EEFSEC: variants seen among roughly 807,000 people sequenced by gnomAD.
EEFSEC encodes selenocysteine-specific elongation factor.
EEFSEC carries 43 observed loss-of-function variants against 42.1 expected under a neutral mutation model. The ratio of observed to expected loss-of-function variants is 1.02; its 90% CI spans 0.80 to 1.32. The LOEUF (loss-of-function observed/expected upper bound fraction) is 1.32. EEFSEC is among the 40% of genes most tolerant of loss of function. The pLI, the probability that EEFSEC is intolerant of heterozygous loss-of-function variation, is 0.00. For missense variants in EEFSEC, 745 were observed against 803.6 expected, an observed-to-expected ratio of 0.93 and a Z score of 0.88; for synonymous variants, 354 against 339.1, an observed-to-expected ratio of 1.04 and a Z score of -0.48.
chr3:128,351,353 T>G (rs1344223608), intron 5 of EEFSEC, among the ~76,000 whole-genome samples: 1 of 152,206 alleles, frequency 6.6e-6, no homozygotes, highest in Non-Finnish European at 1.5e-5. Context: ...AAGTCTTAGG[T>G]GTTATCATCA....
chr3:128,292,500 G>A (rs550884250), intron 4 of EEFSEC, among the ~76,000 whole-genome samples: 2 of 151,524 alleles, frequency 1.3e-5, no homozygotes, highest in Non-Finnish European at 2.9e-5. Context: ...TATATATGAT[G>A]TATATTATAT....
rs190779846 is a variant in EEFSEC, at chr3:128,311,093, A to C, written c.787-30140A>C. 3.8e-4 allele frequency among the ~76,000 whole-genome samples: 58 copies of C among 152,366 alleles called. 1 individual carries two copies. Among genetic ancestry groups the C allele is most frequent in the African/African-American group, 1.3e-3 (54 of 41,596 alleles). ...TAATGCAGGTGATATCCTTCTAAGA[A>C]AATTTTTAAAATTAAAATTCAGATT... On this transcript the variant is annotated intron_variant, in intron 4 of 6. Transcript: ENST00000254730.
chr3:128,413,468 G>A (rs1051414873), downstream of EEFSEC, among the ~76,000 whole-genome samples: 12 of 152,156 alleles, frequency 7.9e-5, no homozygotes, highest in African/African-American at 2.9e-4. Context: ...CCACCTGGCA[G>A]TGTGGCCTGC....
intron 1 of EEFSEC, among the ~76,000 whole-genome samples, chr3:128,165,173 T>C (rs1220230772): frequency 2.0e-5 from 3 of 152,196 alleles, no homozygotes; most frequent in Admixed American, 1.3e-4. Context: ...CGTTTCCATC[T>C]ACATTGCTCA....
At chr3:128,353,610 C>T (rs2067415934) in intron 5 of EEFSEC, among the ~76,000 whole-genome samples, 1 of 152,254 alleles carries the variant, frequency 6.6e-6, no homozygotes, top group African/African-American at 2.4e-5. Context: ...CCATTTGTGT[C>T]CAGTCAGTCA....
At chr3:128,204,510 G>T (rs1378062584) in intron 1 of EEFSEC, among the ~76,000 whole-genome samples, 8 of 152,136 alleles carry the variant, frequency 5.3e-5, no homozygotes, top group Non-Finnish European at 1.2e-4. Context: ...TGTGTCTGAG[G>T]TAGGGTTCTT....
chr3:128,355,625 A>AG (rs1419079789), intron 5 of EEFSEC, among the ~76,000 whole-genome samples: 1 of 151,950 alleles, frequency 6.6e-6, no homozygotes, highest in Non-Finnish European at 1.5e-5. Flanking sequence ...AAAAAAAAAA[A>AG]AAAGCCTACA....
intron 6 of EEFSEC, among the ~76,000 whole-genome samples, chr3:128,359,095 G>A (rs978035582): frequency 3.3e-5 from 5 of 152,162 alleles, no homozygotes; most frequent in African/African-American, 9.7e-5. Context: ...GAAAGATAAA[G>A]CAGGGACGAG....
At chr3:128,367,716 G>A (rs2067606575) in intron 6 of EEFSEC, 1 of 985,310 alleles carries the variant, frequency 1.0e-6, no homozygotes, top group Admixed American at 6.1e-5. Context: ...AGAGATGAGT[G>A]AAGCACCACA....
At chr3:128,301,950 AC>A (rs2066774094) in intron 4 of EEFSEC, among the ~76,000 whole-genome samples, 1 of 152,146 alleles carries the variant, frequency 6.6e-6, no homozygotes, top group African/African-American at 2.4e-5. Context: ...CTGGGGGGCT[AC>A]TCAAAGTTAC....
intron 5 of EEFSEC, among the ~76,000 whole-genome samples, chr3:128,342,636 C>G (rs150214063): frequency 2.6e-5 from 4 of 152,250 alleles, no homozygotes; most frequent in African/African-American, 7.2e-5. Flanking sequence ...CTGTGCCTTG[C>G]TGGGCGGCCC....
chr3:128,226,740 C>G (rs2065911671), intron 1 of EEFSEC, among the ~76,000 whole-genome samples: 1 of 152,206 alleles, frequency 6.6e-6, no homozygotes, highest in African/African-American at 2.4e-5. Context: ...AGGGCAGGGA[C>G]TGGGTTGGAT....
At chr3:128,264,491 C>A in intron 3 of EEFSEC, 126 bp from the exon 4 acceptor site, 2 of 1,095,506 alleles carry the variant, frequency 1.8e-6, no homozygotes, top group Non-Finnish European at 1.3e-6. Context: ...AGGGCATGGA[C>A]CTCTGAGCTG....
Position 128,153,486 on chromosome 3 carries a change from T to C in EEFSEC, c.-22T>C. On this transcript the variant is annotated 5_prime_UTR_variant, in exon 1 of 7. Transcript: ENST00000254730. The stretch of plus-strand genomic sequence containing the variant: ...GGAGGTGAGGGGCGGGCCGGGCGGG[T>C]GTCCGAGGCGGCGGCGGCGGCATGG... 2 of 1,460,558 alleles carry C rather than the reference T, an allele frequency of 1.4e-6. No individual in the cohort carries two copies. Among genetic ancestry groups the C allele is most frequent in the Non-Finnish European group, 1.8e-6 (2 of 1,115,476 alleles). 90.5% of individuals were successfully genotyped at this position (1,460,558 alleles called of 1,614,324 possible). A position where few individuals can be genotyped will look rare whatever the true frequency, so the allele number is the denominator to read the frequency against.
intron 4 of EEFSEC, 134 bp downstream of exon 4, chr3:128,264,915 T>G: frequency 9.0e-7 from 1 of 1,111,388 alleles, no homozygotes; most frequent in Non-Finnish European, 1.2e-6. Flanking sequence ...CCGCCCCACC[T>G]CCCCTCTGGC....
At chr3:128,201,856 T>C (rs1487747372) in intron 1 of EEFSEC, among the ~76,000 whole-genome samples, 3 of 152,254 alleles carry the variant, frequency 2.0e-5, no homozygotes, top group Admixed American at 6.5e-5. Flanking sequence ...AGTCCTGTAA[T>C]CTATCTTGAA....
At chr3:128,190,972 T>G (rs1252956419) in intron 1 of EEFSEC, among the ~76,000 whole-genome samples, 1 of 151,996 alleles carries the variant, frequency 6.6e-6, no homozygotes, top group Non-Finnish European at 1.5e-5. Flanking sequence ...CCATTCCCAT[T>G]TTTAAATGTA....
At chr3:128,369,718 T>C (rs1030904110) in intron 6 of EEFSEC, among the ~76,000 whole-genome samples, 1 of 152,222 alleles carries the variant, frequency 6.6e-6, no homozygotes, top group Non-Finnish European at 1.5e-5. Flanking sequence ...CTTGAGGACT[T>C]TCCCTCCTAG....
chr3:128,418,661 C>A, the EEFSEC span, among the ~76,000 whole-genome samples: 1 of 151,952 alleles, frequency 6.6e-6, no homozygotes, highest in Non-Finnish European at 1.5e-5. Context: ...CAGCACCCCC[C>A]AACTTTGCCC....
Sources: allele counts gnomAD v4.1 joint callset (sites outside exome capture counted in the v4.1 genomes callset), GRCh38; gene constraint gnomAD v4.1.1; transcripts MANE v1.5; gene names NCBI Gene and HGNC (gene_info 2026-07-23, HGNC 2026-07-21).